GSTCD: variants seen among roughly 807,000 people sequenced by gnomAD.
The protein encoded by GSTCD is glutathione S-transferase C-terminal domain-containing protein.
A neutral mutation model predicts 68.3 loss-of-function variants in GSTCD; 44 were observed. The observed-to-expected ratio is 0.64, with a 90% CI of 0.51 to 0.83. The LOEUF is 0.83. Ranked by LOEUF, GSTCD falls within the 40% of genes least tolerant of loss-of-function variation. The probability of loss-of-function intolerance (pLI) is 0.00; values close to 1 mark genes in which losing one functional copy is unlikely to be tolerated. For missense variants in GSTCD, 739 were observed against 735.9 expected, an observed-to-expected ratio of 1.00 and a Z score of -0.05; for synonymous variants, 273 against 255.2, an observed-to-expected ratio of 1.07 and a Z score of -0.67.
intron 5 of GSTCD, among the ~76,000 whole-genome samples, chr4:105,736,777 C>CT (rs1399741592): frequency 6.6e-6 from 1 of 152,178 alleles, no homozygotes; most frequent in African/African-American, 2.4e-5. Context: ...ATTCTACTCT[C>CT]TAATTCTATG....
Position 105,797,045 on chromosome 4 carries a change from C to CGTGTGTGTGT in GSTCD, c.1241-25909_1241-25908insGTGTGTGTGT, listed in dbSNP as rs527275501. ...GAGGAAATGATAAGAGACAGAGATA[C>CGTGTGTGTGT]ATGTGTGTGTGTGTGTGTGTGTGTG... On this transcript the variant is annotated intron_variant, in intron 5 of 11. Coordinates refer to ENST00000515279, the MANE Select transcript of GSTCD (RefSeq NM_001370181.1). Among the ~76,000 whole-genome samples, 492 of 140,422 alleles carry CGTGTGTGTGT rather than the reference C, an allele frequency of 3.5e-3. 7 individuals are homozygous for CGTGTGTGTGT. Among genetic ancestry groups the CGTGTGTGTGT allele is most frequent in the African/African-American group, 6.5e-3 (251 of 38,360 alleles). The allele number at this position is 140,422 out of a possible 152,430, so 92.1% of individuals were successfully genotyped here.
chr4:105,847,680 A>G lies in GSTCD; in HGVS notation c.*2103A>G, dbSNP rs1724604527. On this transcript the variant is annotated 3_prime_UTR_variant, in exon 12 of 12. Coordinates refer to ENST00000515279, the MANE Select transcript of GSTCD (RefSeq NM_001370181.1). Reference sequence around the variant, plus strand: ...ACTTACCCTTTTACTTTAATGATTAATATTTTCTGTGTTCTTTCTAATAAA... The same window carrying G: ...ACTTACCCTTTTACTTTAATGATTAGTATTTTCTGTGTTCTTTCTAATAAA... The G allele has an allele frequency of 6.6e-6, 1 of 152,146 alleles. No individual in the cohort carries two copies. The highest frequency in any genetic ancestry group is 2.1e-4 in the South Asian group (1 of 4,824). 9.4% of individuals were successfully genotyped at this position (152,146 alleles called of 1,614,324 possible). A position where few individuals can be genotyped will look rare whatever the true frequency, so the allele number is the denominator to read the frequency against.
At chr4:105,819,226 T>G (rs1723156820) in intron 5 of GSTCD, among the ~76,000 whole-genome samples, 1 of 151,776 alleles carries the variant, frequency 6.6e-6, no homozygotes, top group East Asian at 1.9e-4. Context: ...TAGGTGCAAG[T>G]GAGTTAATTG....
intron 5 of GSTCD, among the ~76,000 whole-genome samples, chr4:105,776,850 C>T (rs980543146): frequency 7.2e-5 from 11 of 152,176 alleles, no homozygotes; most frequent in African/African-American, 2.7e-4. Flanking sequence ...TTGATTTCCT[C>T]ATCTCCAGGA....
chr4:105,819,102 G>A (rs370412848), intron 5 of GSTCD, among the ~76,000 whole-genome samples: 9 of 151,640 alleles, frequency 5.9e-5, no homozygotes, highest in African/African-American at 2.2e-4. Context: ...CCATGTTTTC[G>A]GTAAGACACA....
At chr4:105,822,635 C>G (rs1050649381) in intron 5 of GSTCD, among the ~76,000 whole-genome samples, 1 of 151,996 alleles carries the variant, frequency 6.6e-6, no homozygotes, top group Non-Finnish European at 1.5e-5. Flanking sequence ...TGACCCTAAA[C>G]TTAGTGTTTC....
At chr4:105,730,421 T>G (rs1230816675) in intron 5 of GSTCD, among the ~76,000 whole-genome samples, 1 of 152,230 alleles carries the variant, frequency 6.6e-6, no homozygotes, top group East Asian at 1.9e-4. Flanking sequence ...CTTGACTTTT[T>G]AATGATCACC....
intron 5 of GSTCD, among the ~76,000 whole-genome samples, chr4:105,782,185 G>T (rs1735298960): frequency 6.6e-6 from 1 of 152,108 alleles, no homozygotes; most frequent in Non-Finnish European, 1.5e-5. Flanking sequence ...AGGAACAGGG[G>T]AAGAGAAAGA....
chr4:105,807,436 C>G (rs908505638), intron 5 of GSTCD, among the ~76,000 whole-genome samples: 3 of 152,020 alleles, frequency 2.0e-5, no homozygotes, highest in Admixed American at 6.6e-5. Flanking sequence ...TATGCAATAA[C>G]CAATCAAAGA....
chr4:105,729,488 G>C lies in GSTCD; in HGVS notation c.1229G>C (p.Ser410Thr), dbSNP rs1733156562. 6.2e-7 allele frequency: 1 copy of C among 1,609,414 alleles called. No individual in the cohort carries two copies. The highest frequency in any genetic ancestry group is 1.3e-5 in the African/African-American group (1 of 74,732). ...LDWNVLPAAVSPKEGKMSSDR... is the reference protein window; with the variant it reads ...LDWNVLPAAVTPKEGKMSSDR... ...TGGAATGTTCTCCCTGCAGCAGTCA[G>C]CCCAAAGGAAGGTGAGTTTTCTTTT... The change falls in exon 5 of 12, where the codon AGC becomes ACC. Residue 410 changes from serine (S) to threonine (T), a missense_variant. Physicochemically the swap from Ser to Thr is moderately conservative, Grantham distance 58 (BLOSUM62 1). Coordinates refer to ENST00000515279, the MANE Select transcript of GSTCD (RefSeq NM_001370181.1).
chr4:105,776,117 A>G (rs1426141928), intron 5 of GSTCD, among the ~76,000 whole-genome samples: 2 of 152,168 alleles, frequency 1.3e-5, no homozygotes, highest in Admixed American at 1.3e-4. Flanking sequence ...GCCCAGTTCT[A>G]ACTTCCTGGT....
chr4:105,719,292 A>G lies in GSTCD; in HGVS notation c.659A>G (p.Lys220Arg). ...CTTACTAAGGGAAAGGCAAAGAGCAAGGTCCACACACAGGAAACATCTGAA... is the reference window on the plus strand; with the variant it reads ...CTTACTAAGGGAAAGGCAAAGAGCAGGGTCCACACACAGGAAACATCTGAA... ...PPLTKGKAKS[K>R]VHTQETSEGL... The change falls in exon 3 of 12, where the codon AAG (lysine) becomes AGG (arginine). Residue 220 changes from lysine to arginine, a missense_variant. Coordinates refer to ENST00000515279, the MANE Select transcript of GSTCD (RefSeq NM_001370181.1). 6.2e-7 allele frequency: 1 copy of G among 1,614,154 alleles called. No individual in the cohort carries two copies. Among genetic ancestry groups the G allele is most frequent in the Non-Finnish European group, 8.5e-7 (1 of 1,180,010 alleles).
intron 3 of GSTCD, among the ~76,000 whole-genome samples, chr4:105,723,583 A>C (rs982206599): frequency 6.6e-6 from 1 of 151,864 alleles, no homozygotes; most frequent in Non-Finnish European, 1.5e-5. Context: ...CAAGGACATG[A>C]GTATGAGTAT....
rs1724589765 is a variant in GSTCD, at chr4:105,847,333, T to A, written c.*1756T>A. 6.6e-6 allele frequency: 1 copy of A among 152,192 alleles called. No individual in the cohort carries two copies. The highest frequency in any genetic ancestry group is 1.5e-5 in the Non-Finnish European group (1 of 68,034). 9.4% of individuals were successfully genotyped at this position (152,192 alleles called of 1,614,324 possible). On this transcript the variant is annotated 3_prime_UTR_variant, in exon 12 of 12. Transcript: ENST00000515279. Reference sequence around the variant, plus strand: ...GTGGGAGACATATTGGAATCGTGTTTTCTGGGATAAAATTTTTAAAAAGAA... The same window carrying A: ...GTGGGAGACATATTGGAATCGTGTTATCTGGGATAAAATTTTTAAAAAGAA...
rs532981204 is a variant in GSTCD, at chr4:105,731,193, A to C, written c.1240+1694A>C. 1.1e-4 allele frequency among the ~76,000 whole-genome samples: 16 copies of C among 152,300 alleles called. No homozygotes were observed. The South Asian group carries it at 3.3e-3, about 32-fold the overall frequency. On this transcript the variant is annotated intron_variant, in intron 5 of 11. Coordinates refer to ENST00000515279, the MANE Select transcript of GSTCD (RefSeq NM_001370181.1). ...GTCTCCAGCTTTGTTCTTTTGGCTT[A>C]GGATTGTCTTGGCAATGCGGGCTCT... is the stretch of plus-strand genomic sequence containing the variant.
At chr4:105,815,936 G>T (rs1223010624) in intron 5 of GSTCD, among the ~76,000 whole-genome samples, 4 of 152,094 alleles carry the variant, frequency 2.6e-5, no homozygotes, top group Non-Finnish European at 4.4e-5. Flanking sequence ...GGTGTAAATG[G>T]TATTTGGATG....
chr4:105,754,138 T>C (rs2149229646), intron 5 of GSTCD, among the ~76,000 whole-genome samples: 1 of 152,272 alleles, frequency 6.6e-6, no homozygotes, highest in East Asian at 1.9e-4. Flanking sequence ...TACAAGGAAC[T>C]ATTTTATTCC....
At chr4:105,834,353 A>T in intron 8 of GSTCD, 108 bp from the exon 9 acceptor site, 1 of 882,838 alleles carries the variant, frequency 1.1e-6, no homozygotes, top group Non-Finnish European at 1.7e-6. Flanking sequence ...TGATATGTGT[A>T]GCTAAGTGGT....
At chr4:105,801,797 A>G (rs1455686321) in intron 5 of GSTCD, among the ~76,000 whole-genome samples, 2 of 152,140 alleles carry the variant, frequency 1.3e-5, no homozygotes, top group East Asian at 1.9e-4. Context: ...CCAAGATTAC[A>G]TAAAATCCAC....
Sources: gnomAD v4.1 joint callset for allele counts (sites outside exome capture counted in the v4.1 genomes callset) on GRCh38, gnomAD v4.1.1 for gene constraint, MANE v1.5 for transcripts, NCBI Gene and HGNC (gene_info 2026-07-23, HGNC 2026-07-21) for gene names.